The following CMBL variants were observed in gnomAD, a reference collection of about 807,000 sequenced individuals.
The protein encoded by CMBL is carboxymethylenebutenolidase homolog (Pseudomonas).
CMBL carries 17 observed loss-of-function variants against 28.7 expected under a neutral mutation model. The observed-to-expected ratio is 0.59, with a 90% CI of 0.41 to 0.89. The LOEUF (loss-of-function observed/expected upper bound fraction) is 0.89, where lower values mean the gene tolerates loss of function less well. CMBL is among the 40% of genes least tolerant of loss of function. CMBL has a pLI of 0.00. For synonymous variants in CMBL, 106 were observed against 101.6 expected (o/e 1.04, Z -0.26); for missense variants, 310 against 298.5 (o/e 1.04, Z -0.28).
intron 1 of CMBL, among the ~76,000 whole-genome samples, chr5:10,295,524 AC>A (rs1746794403): frequency 6.6e-6 from 1 of 152,094 alleles, no homozygotes; most frequent in Admixed American, 6.5e-5. Context: ...AGATGTTGAA[AC>A]CCTAATTCCA....
chr5:10,304,925 G>A (rs77245978), intron 1 of CMBL, among the ~76,000 whole-genome samples: 1,701 of 152,300 alleles, frequency 0.011, 83 homozygotes, highest in Admixed American at 0.081. Flanking sequence ...CCCACAGGGC[G>A]TGCTATAGAC....
rs905740202 is a variant in CMBL at position 10,278,026 on chromosome 5, TCAG to T, written c.*2424_*2426del. 6.6e-6 allele frequency among the ~76,000 whole-genome samples: 1 copy of T among 151,944 alleles called. No individual in the cohort carries two copies. Among genetic ancestry groups the T allele is most frequent in the African/African-American group, 2.4e-5 (1 of 41,328 alleles). On this transcript the variant is annotated 3_prime_UTR_variant, in exon 6 of 6. Transcript: ENST00000296658. ...GTGTGAGGCCTCCTGGGAGCAGCCCTCAGCAGGCAAGGGCTTTGGCCTGTTGGG... is the reference window on the plus strand; with the variant it reads ...GTGTGAGGCCTCCTGGGAGCAGCCCTCAGGCAAGGGCTTTGGCCTGTTGGG...
At chr5:10,305,291 C>T (rs981296164) in intron 1 of CMBL, among the ~76,000 whole-genome samples, 1 of 152,156 alleles carries the variant, frequency 6.6e-6, no homozygotes, top group Non-Finnish European at 1.5e-5. Flanking sequence ...ATAGACATTG[C>T]TGCAAGGTGC....
intron 1 of CMBL, among the ~76,000 whole-genome samples, chr5:10,303,006 A>G (rs562326265): frequency 2.6e-5 from 4 of 152,322 alleles, no homozygotes; most frequent in African/African-American, 7.2e-5. Flanking sequence ...CTCTAAGGGT[A>G]GCCATCTATG....
chr5:10,296,675 G>C (rs1410566217), intron 1 of CMBL, among the ~76,000 whole-genome samples: 3 of 152,214 alleles, frequency 2.0e-5, no homozygotes, highest in Middle Eastern at 3.2e-3. Flanking sequence ...GAATCAGCGA[G>C]TGAGGAATGA....
At chr5:10,305,334 A>G (rs1746980101) in intron 1 of CMBL, among the ~76,000 whole-genome samples, 1 of 152,102 alleles carries the variant, frequency 6.6e-6, no homozygotes, top group South Asian at 2.1e-4. Flanking sequence ...ATGTGATGGT[A>G]TGCACAGGAG....
chr5:10,304,782 A>C (rs1252891522), intron 1 of CMBL, among the ~76,000 whole-genome samples: 1 of 151,638 alleles, frequency 6.6e-6, no homozygotes, highest in Admixed American at 6.6e-5. Context: ...TTTTTTTTTT[A>C]ACTTTTTTCC....
In CMBL at chr5:10,284,676, T is replaced by C. The variant is rs2126541936; in HGVS notation, c.466+1678A>G. Among the ~76,000 whole-genome samples, 7 of 152,360 alleles carry C rather than the reference T, an allele frequency of 4.6e-5. 2 individuals are homozygous for C. The highest frequency in any genetic ancestry group is 4.6e-4 in the Admixed American group (7 of 15,308). Reference sequence around the variant, plus strand: ...GTGTTTCGGGTCGGCCAGGTGAGGCTATGATGCTTGGTAGGTGAGGTGGAT... The same window carrying C: ...GTGTTTCGGGTCGGCCAGGTGAGGCCATGATGCTTGGTAGGTGAGGTGGAT... On this transcript the variant is annotated intron_variant, in intron 4 of 5. Coordinates refer to ENST00000296658, the MANE Select transcript of CMBL (RefSeq NM_138809.4).
At chr5:10,281,992 T>G (rs1033155591) in intron 5 of CMBL, among the ~76,000 whole-genome samples, 8 of 151,890 alleles carry the variant, frequency 5.3e-5, no homozygotes, top group African/African-American at 1.9e-4. Context: ...AAACCCCGTC[T>G]CTACTAAAAA....
intron 4 of CMBL, among the ~76,000 whole-genome samples, chr5:10,284,042 G>C (rs1746551011): frequency 6.6e-6 from 1 of 152,242 alleles, no homozygotes; most frequent in Non-Finnish European, 1.5e-5. Flanking sequence ...TCAGGAGGCA[G>C]GGAGCCACGG....
chr5:10,289,714 G>A lies in CMBL; in HGVS notation c.215+834C>T, dbSNP rs1320583143. Among the ~76,000 whole-genome samples, 2 of 152,128 alleles carry A rather than the reference G, an allele frequency of 1.3e-5. No homozygotes were observed. The highest frequency in any genetic ancestry group is 6.5e-5 in the Admixed American group (1 of 15,282). ...TAGAAAGTTAAGTCCCCTCACATGG[G>A]GACGTGAAAAAGGAAAACTTCAAGG... On this transcript the variant is annotated intron_variant, in intron 2 of 5. Coordinates refer to ENST00000296658, the MANE Select transcript of CMBL (RefSeq NM_138809.4). The surrounding 1 kb of genome is among the most constrained non-coding windows in gnomAD (Gnocchi z 4.3).
In CMBL at chr5:10,290,664, A is replaced by G. The variant is rs1342502627; in HGVS notation, c.99T>C (p.Tyr33=). 9 of 1,614,126 alleles carry G rather than the reference A, an allele frequency of 5.6e-6. No individual in the cohort carries two copies. The South Asian group carries it at 9.9e-5, about 18-fold the overall frequency. The part of the protein sequence containing the change: ...REVQVEHIKA[Y]VTKSPVDAGK... ...CTGCATCAACGGGGGATTTGGTGAC[A>G]TAAGCCTTGATGTGCTCGACTTGAA... is the stretch of plus-strand genomic sequence containing the variant. The change falls in exon 2 of 6, where the codon TAT becomes TAC. Residue 33 remains tyrosine, a synonymous_variant. Transcript: ENST00000296658.
At chr5:10,306,037 T>C (rs1268773292) in intron 1 of CMBL, among the ~76,000 whole-genome samples, 1 of 152,246 alleles carries the variant, frequency 6.6e-6, no homozygotes, top group African/African-American at 2.4e-5. Context: ...AAAATATTTA[T>C]CACTTTTATA....
chr5:10,302,893 A>G (rs1252434291), intron 1 of CMBL, among the ~76,000 whole-genome samples: 2 of 152,240 alleles, frequency 1.3e-5, no homozygotes, highest in African/African-American at 4.8e-5. Context: ...CATTCTGTAG[A>G]GAATCCCCTT....
intron 1 of CMBL, among the ~76,000 whole-genome samples, chr5:10,294,989 G>A (rs1281266636): frequency 1.3e-5 from 2 of 152,138 alleles, no homozygotes; most frequent in African/African-American, 4.8e-5. Flanking sequence ...AAGGGCCAGG[G>A]GCCCAAGCTA....
intron 4 of CMBL, among the ~76,000 whole-genome samples, chr5:10,285,688 C>CTCTCTT (rs1554013422): frequency 2.1e-5 from 3 of 144,382 alleles, no homozygotes; most frequent in East Asian, 3.9e-4. Flanking sequence ...TTCTTTCTTT[C>CTCTCTT]TCTTTCTTTT....
chr5:10,306,786 G>GGAA (rs1236897643), intron 1 of CMBL, among the ~76,000 whole-genome samples: 3 of 152,172 alleles, frequency 2.0e-5, no homozygotes, highest in Non-Finnish European at 4.4e-5. Flanking sequence ...GCATGAATTA[G>GGAA]GAAGCTACCT....
rs980833969 is a variant in CMBL, at chr5:10,278,541, C to T, written c.*1912G>A. On this transcript the variant is annotated 3_prime_UTR_variant, in exon 6 of 6. Transcript: ENST00000296658. ...AACCTGCATAGATGACACCCTGGGC[C>T]CCAGTGAAGGCTTTGGCTCATAGCT... Among the ~76,000 whole-genome samples the T allele has an allele frequency of 6.6e-6, 1 of 152,116 alleles. No homozygotes were observed. The highest frequency in any genetic ancestry group is 1.5e-5 in the Non-Finnish European group (1 of 68,026).
At chr5:10,291,428 C>T (rs932314904) in intron 1 of CMBL, among the ~76,000 whole-genome samples, 5 of 151,904 alleles carry the variant, frequency 3.3e-5, no homozygotes, top group Admixed American at 1.3e-4. Context: ...TTTGGGAGGC[C>T]GAGGCGGGCG....
Sources: gnomAD v4.1 joint callset for allele counts (sites outside exome capture counted in the v4.1 genomes callset) on GRCh38, gnomAD v4.1.1 for gene constraint, Gnocchi (gnomAD v3.1) non-coding constraint, MANE v1.5 for transcripts, NCBI Gene and HGNC (gene_info 2026-07-23, HGNC 2026-07-21) for gene names.